The following STK33 variants were observed in gnomAD, a reference collection of about 807,000 sequenced individuals.
The protein encoded by STK33 is serine/threonine kinase 33, also known as serine/threonine-protein kinase 33.
Under a neutral mutation model 58.0 loss-of-function variants are expected in STK33, and 52 were observed. The ratio of observed to expected loss-of-function variants is 0.90; its 90% confidence interval spans 0.72 to 1.13. The LOEUF is 1.13. STK33 is among the 50% of genes most tolerant of loss of function. The pLI, the probability that STK33 is intolerant of heterozygous loss-of-function variation, is 0.00. For missense variants in STK33, 630 were observed against 604.2 expected (o/e 1.04, Z -0.45); for synonymous variants, 215 against 200.1 (o/e 1.07, Z -0.63).
chr11:8,386,982 G>A (rs942353953), downstream of STK33, among the ~76,000 whole-genome samples: 3 of 152,174 alleles, frequency 2.0e-5, no homozygotes, highest in Admixed American at 6.5e-5. Flanking sequence ...AGGAAAGAAC[G>A]GAGCCTCTTT....
intron 1 of STK33, among the ~76,000 whole-genome samples, chr11:8,544,169 T>A (rs1470065773): frequency 2.0e-5 from 3 of 151,538 alleles, no homozygotes; most frequent in Non-Finnish European, 4.4e-5. Flanking sequence ...TAGCCCCCCA[T>A]CCCCCGACAG....
chr11:8,360,472 A>AT, the STK33 span, among the ~76,000 whole-genome samples: 28 of 152,346 alleles, frequency 1.8e-4, no homozygotes, highest in East Asian at 2.9e-3. Flanking sequence ...TTAGTCTTTT[A>AT]TTGCTGCTTT....
intron 15 of STK33, among the ~76,000 whole-genome samples, chr11:8,412,764 A>G (rs1388686619): frequency 1.3e-5 from 2 of 152,208 alleles, no homozygotes; most frequent in Admixed American, 6.5e-5. Context: ...CAGGAAGGAG[A>G]ACAAACACAT....
Position 8,536,950 on chromosome 11 carries a change from TAAA to T in STK33, c.-465-56339_-465-56337del, listed in dbSNP as rs879045592. ...GCATGCACTGCCATACCCAGCTAAT[TAAA>T]AAAAAAAAAAAAAAAAAGATTTTTT... On this transcript the variant is annotated intron_variant, in intron 1 of 15. Coordinates refer to ENST00000687296, the MANE Select transcript of STK33 (RefSeq NM_001352389.2). 1.6e-3 allele frequency among the ~76,000 whole-genome samples: 139 copies of T among 86,918 alleles called. 7 individuals carry two copies. The highest frequency in any genetic ancestry group is 3.9e-3 in the African/African-American group (91 of 23,356). 57.0% of individuals were successfully genotyped at this position (86,918 alleles called of 152,430 possible). A position where few individuals can be genotyped will look rare whatever the true frequency, so the allele number is the denominator to read the frequency against.
chr11:8,492,406 T>C (rs1342835598), intron 1 of STK33, among the ~76,000 whole-genome samples: 1 of 151,966 alleles, frequency 6.6e-6, no homozygotes, highest in Admixed American at 6.6e-5. Context: ...ACTATCCTAA[T>C]TATATATGTA....
intron 1 of STK33, among the ~76,000 whole-genome samples, chr11:8,546,793 C>T (rs1330961453): frequency 6.6e-6 from 1 of 152,140 alleles, no homozygotes; most frequent in Admixed American, 6.5e-5. Context: ...AATAATATTC[C>T]GCTGTGTATA....
At chr11:8,370,998 C>T in the STK33 span, among the ~76,000 whole-genome samples, 1 of 152,090 alleles carries the variant, frequency 6.6e-6, no homozygotes, top group Non-Finnish European at 1.5e-5. Flanking sequence ...TGGACCGAAG[C>T]TGAGGAGCAT....
intron 1 of STK33, among the ~76,000 whole-genome samples, chr11:8,535,431 T>G (rs1178264629): frequency 6.6e-6 from 1 of 151,968 alleles, no homozygotes; most frequent in African/African-American, 2.4e-5. Context: ...GCAAAGGACA[T>G]AAATAAACAT....
At chr11:8,453,456 T>C (rs1300392983) in intron 10 of STK33, among the ~76,000 whole-genome samples, 1 of 152,204 alleles carries the variant, frequency 6.6e-6, no homozygotes, top group Non-Finnish European at 1.5e-5. Flanking sequence ...TAGAGTATAC[T>C]AATTAAAACA....
At chr11:8,378,401 C>T in the STK33 span, among the ~76,000 whole-genome samples, 2 of 152,160 alleles carry the variant, frequency 1.3e-5, no homozygotes, top group African/African-American at 2.4e-5. Context: ...GCCTGTAATC[C>T]CATCTACTCG....
At chr11:8,381,379 G>A in the STK33 span, among the ~76,000 whole-genome samples, 1 of 152,100 alleles carries the variant, frequency 6.6e-6, no homozygotes, top group Non-Finnish European at 1.5e-5. Flanking sequence ...GAGTCTCCTG[G>A]CTGCCCCTTC....
At chr11:8,377,997 AG>A in the STK33 span, among the ~76,000 whole-genome samples, 1 of 152,246 alleles carries the variant, frequency 6.6e-6, no homozygotes, top group African/African-American at 2.4e-5. Context: ...ATGAACTAGA[AG>A]AGTCAATATC....
intron 8 of STK33, among the ~76,000 whole-genome samples, chr11:8,460,850 G>A (rs1464569749): frequency 6.6e-6 from 1 of 152,124 alleles, no homozygotes; most frequent in Non-Finnish European, 1.5e-5. Flanking sequence ...GCCATATACT[G>A]CTCTTATAAA....
chr11:8,351,604 C>T, the STK33 span, among the ~76,000 whole-genome samples: 5 of 152,250 alleles, frequency 3.3e-5, no homozygotes, highest in Admixed American at 2.0e-4. Context: ...GAGGCTGATT[C>T]CATCTCTCGA....
the STK33 span, among the ~76,000 whole-genome samples, chr11:8,373,918 G>C: frequency 2.0e-5 from 3 of 152,234 alleles, no homozygotes; most frequent in African/African-American, 7.2e-5. Context: ...AGCAGTCCAA[G>C]TGTTCAGGTG....
intron 1 of STK33, among the ~76,000 whole-genome samples, chr11:8,520,837 A>G (rs1356380475): frequency 6.6e-6 from 1 of 152,146 alleles, no homozygotes; most frequent in East Asian, 1.9e-4. Context: ...GCTCAATGAA[A>G]TAAAAGAGAT....
the STK33 span, among the ~76,000 whole-genome samples, chr11:8,356,676 CT>C: frequency 3.6e-3 from 547 of 152,300 alleles, 4 homozygotes; most frequent in African/African-American, 0.013. Context: ...AACTTTCCCT[CT>C]GTCCATAGCA....
At chr11:8,534,598 G>A (rs879361620) in intron 1 of STK33, among the ~76,000 whole-genome samples, 3 of 147,408 alleles carry the variant, frequency 2.0e-5, no homozygotes, top group Non-Finnish European at 3.0e-5. Context: ...GTGTGTGTGT[G>A]TGTCAAGGTA....
chr11:8,382,890 C>G, the STK33 span, among the ~76,000 whole-genome samples: 1 of 152,134 alleles, frequency 6.6e-6, no homozygotes, highest in Non-Finnish European at 1.5e-5. Flanking sequence ...AGCGCTGACT[C>G]AACACACTCT....
Sources: allele counts gnomAD v4.1 joint callset (sites outside exome capture counted in the v4.1 genomes callset), GRCh38; gene constraint gnomAD v4.1.1; transcripts MANE v1.5; gene names NCBI Gene and HGNC (gene_info 2026-07-23, HGNC 2026-07-21).